The following LTBP1 variants were observed in gnomAD, a reference collection of about 807,000 sequenced individuals.
LTBP1 encodes the protein latent transforming growth factor beta binding protein 1, also known as latent-transforming growth factor beta-binding protein 1.
LTBP1 carries 129 observed loss-of-function variants against 207.6 expected under a neutral mutation model. The ratio of observed to expected loss-of-function variants is 0.62; its 90% confidence interval spans 0.54 to 0.72. The LOEUF (loss-of-function observed/expected upper bound fraction) is 0.72. Among genes scored for constraint, LTBP1 ranks in the 30% least tolerant of loss-of-function variants. The pLI is 0.00. For missense variants in LTBP1, 2,281 were observed against 2,217.2 expected, an observed-to-expected ratio of 1.03 and a Z score of -0.58; for synonymous variants, 963 against 833.7, an observed-to-expected ratio of 1.16 and a Z score of -2.67.
intron 3 of LTBP1, among the ~76,000 whole-genome samples, chr2:33,092,519 G>T (rs758346458): frequency 6.6e-6 from 1 of 152,154 alleles, no homozygotes; most frequent in Non-Finnish European, 1.5e-5. Flanking sequence ...AGCCTTCTGG[G>T]TTATTCCTCA....
intron 19 of LTBP1, among the ~76,000 whole-genome samples, chr2:33,290,169 C>T (rs1457779491): frequency 1.3e-5 from 2 of 152,236 alleles, no homozygotes; most frequent in East Asian, 3.8e-4. Flanking sequence ...GGAACAATTT[C>T]ATTCCCACGA....
At chr2:33,190,128 C>T (rs981182256) in intron 7 of LTBP1, among the ~76,000 whole-genome samples, 1 of 152,090 alleles carries the variant, frequency 6.6e-6, no homozygotes, top group Non-Finnish European at 1.5e-5. Context: ...GAGAGAAAGG[C>T]AAAATTTTCT....
chr2:33,197,512 T>G (rs76868592), intron 7 of LTBP1, among the ~76,000 whole-genome samples: 2,441 of 152,312 alleles, frequency 0.016, 45 homozygotes, highest in Non-Finnish European at 0.02. Flanking sequence ...CTCCAATTTA[T>G]TTTTGCATCA....
intron 23 of LTBP1, among the ~76,000 whole-genome samples, chr2:33,313,994 G>C (rs1357056793): frequency 6.6e-6 from 1 of 152,166 alleles, no homozygotes; most frequent in Non-Finnish European, 1.5e-5. Flanking sequence ...TGGTTTGAAA[G>C]AGCCTTTTAC....
intron 5 of LTBP1, among the ~76,000 whole-genome samples, chr2:33,153,336 T>TTC (rs1323983037): frequency 6.6e-6 from 1 of 152,208 alleles, no homozygotes; most frequent in African/African-American, 2.4e-5. Context: ...AAAATCAAAG[T>TTC]TCTTAGAAGA....
intron 10 of LTBP1, among the ~76,000 whole-genome samples, chr2:33,244,735 A>G (rs1027256542): frequency 6.6e-6 from 1 of 152,200 alleles, no homozygotes; most frequent in Non-Finnish European, 1.5e-5. Flanking sequence ...GACTATAGAC[A>G]TGGGCCTTGT....
Position 33,301,639 on chromosome 2 carries a change from G to A in LTBP1, c.3476G>A (p.Cys1159Tyr). Residue 1159 changes from cysteine (C) to tyrosine (Y), a missense_variant, in exon 22 of 34, where the codon TGT (cysteine) becomes TAT (tyrosine). By Grantham distance (194) the Cys-to-Tyr change is radical. This residue lies in a region of LTBP1 where 1,671 missense variants were observed against 1,634.8 expected (regional missense o/e 1.02). Transcript: ENST00000404816. Reference sequence around the variant, plus strand: ...AGAGCATCTGGGCTTGGAGACCACTGTGAAGGTAAGAATTGCTCCTGATTT... The same window carrying A: ...AGAGCATCTGGGCTTGGAGACCACTATGAAGGTAAGAATTGCTCCTGATTT... ...GYRASGLGDH[C>Y]EDINECLEDK... 3 of 1,591,612 alleles carry A rather than the reference G, an allele frequency of 1.9e-6. No homozygotes were observed. Among genetic ancestry groups the A allele is most frequent in the Non-Finnish European group, 2.6e-6 (3 of 1,172,922 alleles).
At chr2:32,953,659 C>T (rs780074432) in intron 2 of LTBP1, among the ~76,000 whole-genome samples, 31 of 152,286 alleles carry the variant, frequency 2.0e-4, no homozygotes, top group Non-Finnish European at 4.0e-4. Flanking sequence ...GCTGAGGATG[C>T]CGCCCGCCCC....
intron 19 of LTBP1, among the ~76,000 whole-genome samples, chr2:33,292,623 C>G (rs1048116290): frequency 2.6e-5 from 4 of 152,162 alleles, no homozygotes; most frequent in Non-Finnish European, 4.4e-5. Context: ...GCCCAGTAGG[C>G]TTGTGTTTGT....
At chr2:33,344,039 G>A (rs1311281582) in intron 25 of LTBP1, among the ~76,000 whole-genome samples, 1 of 152,166 alleles carries the variant, frequency 6.6e-6, no homozygotes, top group Non-Finnish European at 1.5e-5. Flanking sequence ...TTGCAATTAA[G>A]ACATTAGTTC....
At chr2:33,155,109 T>C (rs1305880064) in intron 5 of LTBP1, among the ~76,000 whole-genome samples, 3 of 152,130 alleles carry the variant, frequency 2.0e-5, no homozygotes, top group Non-Finnish European at 4.4e-5. Context: ...TTCCCAGCAA[T>C]ATATGAACTT....
intron 4 of LTBP1, among the ~76,000 whole-genome samples, chr2:33,124,252 A>G (rs111509040): frequency 4.3e-4 from 65 of 152,286 alleles, no homozygotes; most frequent in African/African-American, 1.5e-3. Context: ...TCTACTAAAA[A>G]TACAAAAATT....
chr2:33,367,659 C>G (rs2095009164), intron 31 of LTBP1, among the ~76,000 whole-genome samples: 1 of 152,142 alleles, frequency 6.6e-6, no homozygotes, highest in Admixed American at 6.6e-5. Flanking sequence ...CAGTTCCGCC[C>G]ATGTTGCTGT....
intron 30 of LTBP1, among the ~76,000 whole-genome samples, chr2:33,364,796 T>C (rs547879656): frequency 1.3e-5 from 2 of 152,340 alleles, no homozygotes; most frequent in South Asian, 4.1e-4. Context: ...TCCCTGATGC[T>C]ACTGATAATT....
intron 32 of LTBP1, among the ~76,000 whole-genome samples, chr2:33,390,427 C>T (rs965308527): frequency 5.3e-5 from 8 of 152,046 alleles, no homozygotes; most frequent in East Asian, 1.9e-4. Flanking sequence ...AACAGGAAAA[C>T]GCCCATTTTG....
At chr2:33,314,591 A>G (rs1465811724) in intron 23 of LTBP1, among the ~76,000 whole-genome samples, 1 of 152,110 alleles carries the variant, frequency 6.6e-6, no homozygotes, top group Non-Finnish European at 1.5e-5. Flanking sequence ...TTTTATTTCT[A>G]TTACCCATTT....
intron 2 of LTBP1, among the ~76,000 whole-genome samples, chr2:32,996,154 A>T (rs188534040): frequency 2.0e-5 from 3 of 152,326 alleles, no homozygotes; most frequent in African/African-American, 7.2e-5. Context: ...AAAATACCGT[A>T]AACTGGGTGG....
Position 33,078,935 on chromosome 2 carries a change from T to C in LTBP1, c.864-31647T>C, listed in dbSNP as rs1157429347. On this transcript the variant is annotated intron_variant, in intron 3 of 33. Coordinates refer to ENST00000404816, the MANE Select transcript of LTBP1 (RefSeq NM_206943.4). ...GTGCAGTGGCACGATCTCGGCTCAC[T>C]GCAAGCTCCGCCTCCCTGCTTCAAG... Among the ~76,000 whole-genome samples the C allele has an allele frequency of 1.3e-4, 19 of 142,576 alleles. No homozygotes were observed. The Admixed American group carries it at 1.4e-3, about 11-fold the overall frequency. 93.5% of individuals were successfully genotyped at this position (142,576 alleles called of 152,430 possible).
Position 33,273,863 on chromosome 2 carries a change from C to T in LTBP1, c.2743+82C>T, listed in dbSNP as rs2093370154. 1.4e-5 allele frequency: 18 copies of T among 1,299,120 alleles called. No homozygotes were observed. The South Asian group carries it at 1.8e-4, about 13-fold the overall frequency. The allele number at this position is 1,299,120 out of a possible 1,614,324, so 80.5% of individuals were successfully genotyped here. ...ACATTTTTTTCTTAAACCAACTTAA[C>T]CATTTTGGGAAAGTGTTACTGGTTT... is the stretch of plus-strand genomic sequence containing the variant. On this transcript the variant is annotated intron_variant, in intron 16 of 33. Transcript: ENST00000404816.
Sources: allele counts gnomAD v4.1 joint callset (sites outside exome capture counted in the v4.1 genomes callset), GRCh38; gene constraint gnomAD v4.1.1; regional missense constraint gnomAD v4.1.1; transcripts MANE v1.5; gene names NCBI Gene and HGNC (gene_info 2026-07-23, HGNC 2026-07-21).